The following GOT1 variants were observed in gnomAD, a reference collection of about 807,000 sequenced individuals.
GOT1 encodes glutamic-oxaloacetic transaminase 1.
In GOT1, 25 loss-of-function variants were observed where a neutral mutation model predicts 48.2. The ratio of observed to expected loss-of-function variants is 0.52; its 90% CI spans 0.38 to 0.72. GOT1 has a LOEUF of 0.72. GOT1 is among the 30% of genes least tolerant of loss of function. The pLI is 0.00. For synonymous variants in GOT1, 188 were observed against 193.8 expected (o/e 0.97, Z 0.25); for missense variants, 380 against 520.1 (o/e 0.73, Z 2.62).
chr10:99,413,601 T>C (rs2032855381), intron 2 of GOT1, among the ~76,000 whole-genome samples: 1 of 152,082 alleles, frequency 6.6e-6, no homozygotes, highest in Non-Finnish European at 1.5e-5. Context: ...GCCATGAAGA[T>C]ACTCCTCAAA....
Position 99,419,039 on chromosome 10 carries a change from C to G in GOT1, c.300+1585G>C, listed in dbSNP as rs558264842. ...TCCCAAGACCTTCACCAGGGCCTTCCCTGCTTCCTGGTACATGTACAAATG... is the reference window on the plus strand; with the variant it reads ...TCCCAAGACCTTCACCAGGGCCTTCGCTGCTTCCTGGTACATGTACAAATG... On this transcript the variant is annotated intron_variant, in intron 2 of 8. Transcript: ENST00000370508. Among the ~76,000 whole-genome samples the G allele has an allele frequency of 1.8e-4, 27 of 152,338 alleles. No homozygotes were observed. The South Asian group carries it at 5.4e-3, about 30-fold the overall frequency.
intron 2 of GOT1, among the ~76,000 whole-genome samples, chr10:99,409,555 T>C (rs2032805745): frequency 6.6e-6 from 1 of 152,234 alleles, no homozygotes. Context: ...ACCTAGATCG[T>C]ACCTTGATAC....
chr10:99,400,733 G>T (rs1482596110), intron 8 of GOT1, among the ~76,000 whole-genome samples: 3 of 152,224 alleles, frequency 2.0e-5, no homozygotes, highest in African/African-American at 7.2e-5. Flanking sequence ...TTAAGGTCAG[G>T]AGTTTGAGAC....
chr10:99,422,756 G>A (rs76399004), intron 1 of GOT1, among the ~76,000 whole-genome samples: 6 of 152,170 alleles, frequency 3.9e-5, no homozygotes, highest in South Asian at 4.2e-4. Context: ...GGTAGCATAC[G>A]GCATACTATA....
intron 1 of GOT1, among the ~76,000 whole-genome samples, chr10:99,429,175 G>A (rs1426255649): frequency 2.0e-5 from 3 of 151,432 alleles, no homozygotes; most frequent in African/African-American, 4.9e-5. Context: ...TCAGCCTCCC[G>A]AGTACCTGGG....
intron 1 of GOT1, among the ~76,000 whole-genome samples, chr10:99,424,687 C>T (rs2033014977): frequency 6.6e-6 from 1 of 152,150 alleles, no homozygotes. Context: ...AATTCCAATA[C>T]TACTACTTGG....
At chr10:99,409,164 G>A (rs543233552) in intron 2 of GOT1, among the ~76,000 whole-genome samples, 46 of 151,264 alleles carry the variant, frequency 3.0e-4, no homozygotes, top group African/African-American at 7.8e-4. Flanking sequence ...ACAGAGTCTC[G>A]CTCTGTTGCC....
At chr10:99,405,584 A>G (rs1014113783) in intron 5 of GOT1, among the ~76,000 whole-genome samples, 172 bp downstream of exon 5, 1 of 152,020 alleles carries the variant, frequency 6.6e-6, no homozygotes, top group African/African-American at 2.4e-5. Context: ...CTACCAAAAC[A>G]TTAACAGTAT....
intron 2 of GOT1, among the ~76,000 whole-genome samples, chr10:99,408,489 G>T (rs1202316215): frequency 6.6e-6 from 1 of 152,212 alleles, no homozygotes; most frequent in Admixed American, 6.5e-5. Flanking sequence ...GGCCAAGGTG[G>T]GTGGATCACT....
At chr10:99,408,573 G>T (rs1365965806) in intron 2 of GOT1, among the ~76,000 whole-genome samples, 1 of 152,148 alleles carries the variant, frequency 6.6e-6, no homozygotes, top group African/African-American at 2.4e-5. Context: ...AAGAAAATTA[G>T]CTGGGCATGG....
chr10:99,412,833 C>A (rs2032844645), intron 2 of GOT1, among the ~76,000 whole-genome samples: 1 of 152,202 alleles, frequency 6.6e-6, no homozygotes, highest in Non-Finnish European at 1.5e-5. Flanking sequence ...CCCAGGCAAA[C>A]AAGGTCTGGA....
At chr10:99,430,276 T>A (rs929757888) in intron 1 of GOT1, 172 bp downstream of exon 1, 2 of 1,548,166 alleles carry the variant, frequency 1.3e-6, no homozygotes, top group African/African-American at 2.7e-5. Flanking sequence ...CACACCTGCA[T>A]CTGTAAAATG....
intron 2 of GOT1, among the ~76,000 whole-genome samples, chr10:99,414,929 C>T (rs1048264735): frequency 6.6e-6 from 1 of 150,804 alleles, no homozygotes; most frequent in African/African-American, 2.4e-5. Flanking sequence ...ATCTCTGGGA[C>T]ACATTTAAAA....
intron 1 of GOT1, among the ~76,000 whole-genome samples, chr10:99,428,424 C>T (rs940840471): frequency 6.6e-6 from 1 of 151,742 alleles, no homozygotes; most frequent in Admixed American, 6.6e-5. Context: ...ATGGCGTGAT[C>T]TTGGCTCACT....
At chr10:99,427,491 A>C (rs533727483) in intron 1 of GOT1, among the ~76,000 whole-genome samples, 5 of 152,236 alleles carry the variant, frequency 3.3e-5, no homozygotes, top group Admixed American at 6.5e-5. Flanking sequence ...GGATGGTCTC[A>C]ATCTCCTGAC....
intron 2 of GOT1, among the ~76,000 whole-genome samples, chr10:99,417,810 C>T (rs1359799865): frequency 1.3e-5 from 2 of 152,042 alleles, no homozygotes; most frequent in East Asian, 3.9e-4. Context: ...GGACAAAAAA[C>T]CAAATGCTGC....
intron 1 of GOT1, among the ~76,000 whole-genome samples, chr10:99,424,310 G>T (rs1404495328): frequency 6.6e-6 from 1 of 152,198 alleles, no homozygotes; most frequent in Non-Finnish European, 1.5e-5. Context: ...AATAAGCTGG[G>T]TAAAACTTAC....
intron 2 of GOT1, among the ~76,000 whole-genome samples, chr10:99,411,100 T>C (rs1259819718): frequency 6.6e-6 from 1 of 152,234 alleles, no homozygotes; most frequent in Non-Finnish European, 1.5e-5. Context: ...CACATGGTAC[T>C]ACATAAGCAT....
intron 2 of GOT1, among the ~76,000 whole-genome samples, chr10:99,411,026 C>A (rs769269644): frequency 7.2e-5 from 11 of 152,342 alleles, no homozygotes; most frequent in Non-Finnish European, 1.6e-4. Flanking sequence ...CAACCAGGAG[C>A]TGCCTGTGGC....
Sources: gnomAD v4.1 joint callset for allele counts (sites outside exome capture counted in the v4.1 genomes callset) on GRCh38, gnomAD v4.1.1 for gene constraint, MANE v1.5 for transcripts, NCBI Gene and HGNC (gene_info 2026-07-23, HGNC 2026-07-21) for gene names.